Variants in CFAP418 observed in about 807,000 individuals in gnomAD.
CFAP418 encodes cilia- and flagella-associated protein 418.
A neutral mutation model predicts 24.7 loss-of-function variants in CFAP418; 27 were observed. That is an observed-to-expected ratio of 1.09 (90% CI 0.81 to 1.51). The LOEUF (loss-of-function observed/expected upper bound fraction) is 1.51, where lower values mean the gene tolerates loss of function less well. Ranked by LOEUF, CFAP418 falls within the 40% of genes most tolerant of loss-of-function variation. The probability of loss-of-function intolerance (pLI) is 0.00; values close to 1 mark genes in which losing one functional copy is unlikely to be tolerated. For synonymous variants in CFAP418, 74 were observed against 87.3 expected (o/e 0.85, Z 0.85); for missense variants, 257 against 255.2 (o/e 1.01, Z -0.05).
rs1811595978 is a variant in CFAP418, at chr8:95,245,126, T to C, written c.*2491A>G. The C allele has an allele frequency of 6.6e-6, 1 of 152,146 alleles. No individual in the cohort carries two copies. The highest frequency in any genetic ancestry group is 1.5e-5 in the Non-Finnish European group (1 of 68,022). 9.4% of individuals were successfully genotyped at this position (152,146 alleles called of 1,614,324 possible). Reference sequence around the variant, plus strand: ...ACAAACAGGCAAAACATCTTGAAAGTTTTATAGGCTTTGCATTTTAAAATT... The same window carrying C: ...ACAAACAGGCAAAACATCTTGAAAGCTTTATAGGCTTTGCATTTTAAAATT... On this transcript the variant is annotated 3_prime_UTR_variant, in exon 6 of 6. Transcript: ENST00000286688.
Position 95,247,341 on chromosome 8 carries a change from T to A in CFAP418, c.*276A>T, listed in dbSNP as rs1214638250. On this transcript the variant is annotated 3_prime_UTR_variant, in exon 6 of 6. Coordinates refer to ENST00000286688, the MANE Select transcript of CFAP418 (RefSeq NM_177965.4). ...AACTAGATATTTGTATGGAACTCCATAATCAAACCTCTATTAAACAGAAGA... is the reference window on the plus strand; with the variant it reads ...AACTAGATATTTGTATGGAACTCCAAAATCAAACCTCTATTAAACAGAAGA... The A allele has an allele frequency of 7.5e-6, 3 of 402,502 alleles. No homozygotes were observed. The highest frequency in any genetic ancestry group is 4.2e-5 in the African/African-American group (2 of 48,116). The allele number at this position is 402,502 out of a possible 1,614,324, so 24.9% of individuals were successfully genotyped here.
At chr8:95,259,518 T>C (rs543673404) in intron 4 of CFAP418, among the ~76,000 whole-genome samples, 3 of 152,322 alleles carry the variant, frequency 2.0e-5, no homozygotes, top group Admixed American at 6.5e-5. Flanking sequence ...AGGCATCATG[T>C]ATCTGCATGG....
chr8:95,262,551 T>A (rs1377223765), intron 2 of CFAP418, among the ~76,000 whole-genome samples: 1 of 152,246 alleles, frequency 6.6e-6, no homozygotes, highest in African/African-American at 2.4e-5. Flanking sequence ...TTTGTATCTT[T>A]CTTTTAAATC....
intron 1 of CFAP418, among the ~76,000 whole-genome samples, chr8:95,266,301 A>G (rs1438347411): frequency 6.6e-6 from 1 of 152,162 alleles, no homozygotes; most frequent in Non-Finnish European, 1.5e-5. Context: ...CTTTATTCCT[A>G]TTGCAGTTCT....
Position 95,247,691 on chromosome 8 carries a change from T to C in CFAP418, c.550A>G (p.Ser184Gly), listed in dbSNP as rs1563469343. ...GTCACTTCTTCAATAGTTCTCCAGC[T>C]ACACTGGCAGGCATATGCCCGTGTT... ...KGTRAYACQC[S>G]WRTIEEVTDL... Residue 184 changes from serine to glycine, a missense_variant, in exon 6 of 6, where the codon AGC becomes GGC. By Grantham distance (56) the Ser-to-Gly change is moderately conservative. Coordinates refer to ENST00000286688, the MANE Select transcript of CFAP418 (RefSeq NM_177965.4). 1.2e-6 allele frequency: 2 copies of C among 1,614,210 alleles called. No homozygotes were observed. Among genetic ancestry groups the C allele is most frequent in the African/African-American group, 2.7e-5 (2 of 75,068 alleles).
At chr8:95,266,630 T>C (rs1463356507) in intron 1 of CFAP418, among the ~76,000 whole-genome samples, 2 of 152,228 alleles carry the variant, frequency 1.3e-5, no homozygotes, top group African/African-American at 2.4e-5. Context: ...AATTTTAATA[T>C]ATAACATTAT....
intron 2 of CFAP418, 108 bp downstream of exon 2, chr8:95,263,579 T>G: frequency 1.6e-6 from 1 of 618,472 alleles, no homozygotes; most frequent in Non-Finnish European, 2.8e-6. Context: ...ATTGTATTTC[T>G]CAGAATTCAA....
At chr8:95,265,633 C>A (rs992282170) in intron 1 of CFAP418, among the ~76,000 whole-genome samples, 14 of 152,110 alleles carry the variant, frequency 9.2e-5, no homozygotes, top group African/African-American at 3.1e-4. Context: ...GGTTCTCCTC[C>A]CTCATGCAAT....
intron 5 of CFAP418, among the ~76,000 whole-genome samples, 183 bp from the exon 6 acceptor site, chr8:95,247,953 C>T (rs529021802): frequency 6.6e-6 from 1 of 152,110 alleles, no homozygotes; most frequent in East Asian, 1.9e-4. Flanking sequence ...TCCCAGGCTT[C>T]CCCTCAGCCT....
At position 95,269,066 on chromosome 8, in the gene CFAP418, G is replaced by A; in HGVS notation, c.124C>T (p.Arg42Trp). The change falls in exon 1 of 6, where the codon CGG (arginine) becomes TGG (tryptophan). Residue 42 changes from arginine to tryptophan, a missense_variant. Arg to Trp is a moderately radical substitution (Grantham distance 101). Coordinates refer to ENST00000286688, the MANE Select transcript of CFAP418 (RefSeq NM_177965.4). Reference protein sequence around the residue: ...GCGGGTHSSDRNQAKAKETLR... With the variant: ...GCGGGTHSSDWNQAKAKETLR... The stretch of plus-strand genomic sequence containing the variant: ...GTCTCTTTCGCCTTGGCTTGGTTCC[G>A]GTCGCTACTGTGGGTGCCGCCGCCG... 2 of 1,614,090 alleles carry A rather than the reference G, an allele frequency of 1.2e-6. No homozygotes were observed. Among genetic ancestry groups the A allele is most frequent in the South Asian group, 2.2e-5 (2 of 91,086 alleles).
rs1811633950 is a variant in CFAP418 at position 95,247,091 on chromosome 8, A to G, written c.*526T>C. The stretch of plus-strand genomic sequence containing the variant: ...AGCTATGAGGCAGTGTTTTTGCAAA[A>G]TACCTGTAACTACTTCTGAACACCC... On this transcript the variant is annotated 3_prime_UTR_variant, in exon 6 of 6. Transcript: ENST00000286688. 6.4e-6 allele frequency: 1 copy of G among 155,540 alleles called. No individual in the cohort carries two copies. Among genetic ancestry groups the G allele is most frequent in the African/African-American group, 2.4e-5 (1 of 41,464 alleles). The allele number at this position is 155,540 out of a possible 1,614,324, so 9.6% of individuals were successfully genotyped here. A position where few individuals can be genotyped will look rare whatever the true frequency, so the allele number is the denominator to read the frequency against.
chr8:95,260,014 A>C (rs1427372499), intron 3 of CFAP418, 109 bp from the exon 4 acceptor site: 1 of 749,410 alleles, frequency 1.3e-6, no homozygotes, highest in African/African-American at 1.8e-5. Flanking sequence ...ATGTTCTTGT[A>C]ATCAAATTGT....
chr8:95,249,911 C>T (rs940056585), intron 5 of CFAP418, among the ~76,000 whole-genome samples: 1 of 152,142 alleles, frequency 6.6e-6, no homozygotes, highest in Non-Finnish European at 1.5e-5. Flanking sequence ...GCAAGCTCAC[C>T]CTGAACACAT....
Position 95,252,417 on chromosome 8 carries a change from T to C in CFAP418, c.375-134A>G. 13 of 607,262 alleles carry C rather than the reference T, an allele frequency of 2.1e-5. No homozygotes were observed. The South Asian group carries it at 3.4e-4, about 16-fold the overall frequency. 37.6% of individuals were successfully genotyped at this position (607,262 alleles called of 1,614,324 possible). A position where few individuals can be genotyped will look rare whatever the true frequency, so the allele number is the denominator to read the frequency against. On this transcript the variant is annotated intron_variant, in intron 4 of 5. Transcript: ENST00000286688. ...TAAACAACAGAAAAGTACAGATTAATCTGATTATAAATCTTTATACTAAAG... is the reference window on the plus strand; with the variant it reads ...TAAACAACAGAAAAGTACAGATTAACCTGATTATAAATCTTTATACTAAAG...
At chr8:95,268,883 C>A (rs1378292139) in intron 1 of CFAP418, 152 bp downstream of exon 1, 1 of 798,022 alleles carries the variant, frequency 1.3e-6, no homozygotes, top group Non-Finnish European at 2.0e-6. Flanking sequence ...AATGCGCTGC[C>A]GCGGAGGGTA....
chr8:95,262,754 A>T (rs1249230781), intron 2 of CFAP418, among the ~76,000 whole-genome samples: 1 of 152,150 alleles, frequency 6.6e-6, no homozygotes, highest in African/African-American at 2.4e-5. Flanking sequence ...CCCTAGAGAA[A>T]CTTCCGTATA....
Position 95,251,226 on chromosome 8 carries a change from G to A in CFAP418, c.470+962C>T, listed in dbSNP as rs79667098. On this transcript the variant is annotated intron_variant, in intron 5 of 5. Transcript: ENST00000286688. ...CAGTATATAATAGGTCCAAAGCACC[G>A]TGAATACACAGGAAGGGAAGAGTTT... is the stretch of plus-strand genomic sequence containing the variant. 7.1e-3 allele frequency among the ~76,000 whole-genome samples: 1,088 copies of A among 152,294 alleles called. 11 individuals are homozygous for A. Among genetic ancestry groups the A allele is most frequent in the African/African-American group, 0.025 (1,027 of 41,548 alleles).
chr8:95,252,361 T>C, intron 4 of CFAP418, 78 bp from the exon 5 acceptor site: 1 of 878,024 alleles, frequency 1.1e-6, no homozygotes. Flanking sequence ...GATTTATTTA[T>C]AGGATACACC....
chr8:95,267,266 A>C (rs971724882), intron 1 of CFAP418, among the ~76,000 whole-genome samples: 2 of 152,176 alleles, frequency 1.3e-5, no homozygotes, highest in African/African-American at 4.8e-5. Flanking sequence ...CTCCTTTAGA[A>C]TTTTTTCGAT....
Sources: gnomAD v4.1 joint callset for allele counts (sites outside exome capture counted in the v4.1 genomes callset) on GRCh38, gnomAD v4.1.1 for gene constraint, MANE v1.5 for transcripts, NCBI Gene and HGNC (gene_info 2026-07-23, HGNC 2026-07-21) for gene names.